The following NENF variants were observed in gnomAD, a reference collection of about 807,000 sequenced individuals.
NENF encodes neudesin neurotrophic factor, also known as neudesin.
Under a neutral mutation model 14.8 loss-of-function variants are expected in NENF, and 6 were observed. The ratio of observed to expected loss-of-function variants is 0.40; its 90% CI spans 0.22 to 0.80. NENF has a LOEUF of 0.80. Ranked by LOEUF, NENF falls within the 30% of genes least tolerant of loss-of-function variation. NENF has a pLI of 0.34. For missense variants in NENF, 184 were observed against 212.7 expected (o/e 0.87, Z 0.84); for synonymous variants, 76 against 95.1 (o/e 0.80, Z 1.17).
At chr1:212,438,961 A>T (rs1662651322) in intron 1 of NENF, among the ~76,000 whole-genome samples, 1 of 150,052 alleles carries the variant, frequency 6.7e-6, no homozygotes, top group Non-Finnish European at 1.5e-5. Flanking sequence ...CCTTCCACCC[A>T]CCCTCCACCT....
In NENF at chr1:212,432,966, G is replaced by A. The variant is rs1662541065; in HGVS notation, c.23G>A (p.Arg8Gln). 6.9e-6 allele frequency: 7 copies of A among 1,012,370 alleles called. No homozygotes were observed. Among genetic ancestry groups the A allele is most frequent in the East Asian group, 5.5e-5 (1 of 18,122 alleles). 62.7% of individuals were successfully genotyped at this position (1,012,370 alleles called of 1,614,324 possible). A position where few individuals can be genotyped will look rare whatever the true frequency, so the allele number is the denominator to read the frequency against. MVGPAPRRRLRPLAALAL... is the reference protein window; with the variant it reads MVGPAPRQRLRPLAALAL... ...ACCATGGTGGGCCCCGCGCCGCGGC[G>A]GCGGCTGCGGCCGCTGGCAGCGCTG... Residue 8 changes from arginine (R) to glutamine (Q), a missense_variant, in exon 1 of 4, where the codon CGG becomes CAG. Physicochemically the swap from Arg to Gln is conservative, Grantham distance 43 (BLOSUM62 1). Coordinates refer to ENST00000366988, the MANE Select transcript of NENF (RefSeq NM_013349.5).
rs778259792 is a variant in NENF at position 212,445,799 on chromosome 1, C to G, written c.343-31C>G. ...CCAAACACTATCCACTTAACCCCAT[C>G]TCCTGTCTTTCTTGGGCTTTTCTCC... On this transcript the variant is annotated intron_variant, in intron 3 of 3. Transcript: ENST00000366988. 4.0e-5 allele frequency: 64 copies of G among 1,611,938 alleles called. No homozygotes were observed. The Admixed American group carries it at 1.1e-3, about 27-fold the overall frequency.
chr1:212,442,513 T>C, intron 1 of NENF, 52 bp from the exon 2 acceptor site: 1 of 1,352,474 alleles, frequency 7.4e-7, no homozygotes, highest in East Asian at 2.3e-5. Flanking sequence ...TAAGTTGCAC[T>C]GGAAGAGCTG....
chr1:212,442,110 C>G lies in NENF; in HGVS notation c.178-455C>G, dbSNP rs139496989. Among the ~76,000 whole-genome samples the G allele has an allele frequency of 7.8e-3, 1,186 of 152,274 alleles. 16 individuals are homozygous for G. The highest frequency in any genetic ancestry group is 0.027 in the African/African-American group (1,130 of 41,544). ...CACTACGACCTCTGCCTCCAGGGTT[C>G]AAGCAATTCTCCAGCCTCAGACTCG... is the stretch of plus-strand genomic sequence containing the variant. On this transcript the variant is annotated intron_variant, in intron 1 of 3. Transcript: ENST00000366988.
intron 1 of NENF, among the ~76,000 whole-genome samples, chr1:212,436,852 C>T (rs866884769): frequency 1.4e-5 from 2 of 147,892 alleles, no homozygotes; most frequent in African/African-American, 5.0e-5. Context: ...TTTGGGAGGT[C>T]GAGGCAGGAG....
At chr1:212,436,924 C>CAAA (rs35648109) in intron 1 of NENF, among the ~76,000 whole-genome samples, 2 of 81,854 alleles carry the variant, frequency 2.4e-5, no homozygotes, top group African/African-American at 8.4e-5. Flanking sequence ...TCACCTCTAC[C>CAAA]AAAAAAAAAA....
At chr1:212,444,625 A>G (rs1000042699) in intron 3 of NENF, among the ~76,000 whole-genome samples, 183 bp downstream of exon 3, 1 of 148,510 alleles carries the variant, frequency 6.7e-6, no homozygotes. Flanking sequence ...TCCACTTGGT[A>G]TGGTGGCCAG....
chr1:212,444,313 C>CATGTA (rs1217077188), intron 2 of NENF, 26 bp from the exon 3 acceptor site: 1 of 1,515,294 alleles, frequency 6.6e-7, no homozygotes, highest in Admixed American at 1.9e-5. Flanking sequence ...CCCACGCTTA[C>CATGTA]GTCTCTTCCT....
chr1:212,436,869 T>G (rs1662608397), intron 1 of NENF, among the ~76,000 whole-genome samples: 1 of 151,198 alleles, frequency 6.6e-6, no homozygotes, highest in Non-Finnish European at 1.5e-5. Flanking sequence ...GGAGGATTGC[T>G]TGAAGCCAGG....
rs1228681847 is a variant in NENF at position 212,433,605 on chromosome 1, C to T, written c.177+485C>T. ...CACTTCCTTTTCCTGCCCCTGTATC[C>T]CAGGCCTCTGCATCGGACTCCTCAA... On this transcript the variant is annotated intron_variant, in intron 1 of 3. Coordinates refer to ENST00000366988, the MANE Select transcript of NENF (RefSeq NM_013349.5). The surrounding 1 kb of genome is among the most constrained non-coding windows in gnomAD (Gnocchi z 5.5). Among the ~76,000 whole-genome samples the T allele has an allele frequency of 6.6e-6, 1 of 151,940 alleles. No individual in the cohort carries two copies. The highest frequency in any genetic ancestry group is 2.4e-5 in the African/African-American group (1 of 41,364).
At chr1:212,441,335 A>G (rs1004905822) in intron 1 of NENF, among the ~76,000 whole-genome samples, 2 of 152,234 alleles carry the variant, frequency 1.3e-5, no homozygotes, top group African/African-American at 4.8e-5. Context: ...ATTTTTAAAT[A>G]AAGGCCTCAA....
chr1:212,442,258 C>T (rs3767873), intron 1 of NENF, among the ~76,000 whole-genome samples: 43,119 of 152,222 alleles, frequency 0.28, 6,350 homozygotes, highest in Admixed American at 0.3. Context: ...GTGATCCGCC[C>T]GCCTTGGCCT....
At position 212,440,116 on chromosome 1, in the gene NENF, G is replaced by A. The variant is rs796941197; in HGVS notation, c.178-2449G>A. On this transcript the variant is annotated intron_variant, in intron 1 of 3. Coordinates refer to ENST00000366988, the MANE Select transcript of NENF (RefSeq NM_013349.5). ...AAAATACAAAAATTATCTGGGTATG[G>A]TGGCGTGTGCCTGTAATCCCAGCTA... 2.6e-5 allele frequency among the ~76,000 whole-genome samples: 4 copies of A among 151,764 alleles called. No homozygotes were observed. In the East Asian group the frequency reaches 5.9e-4, roughly 22 times the overall value.
At chr1:212,441,175 A>G (rs1662693437) in intron 1 of NENF, among the ~76,000 whole-genome samples, 1 of 152,240 alleles carries the variant, frequency 6.6e-6, no homozygotes, top group Non-Finnish European at 1.5e-5. Flanking sequence ...GTGGGGAAAC[A>G]GCATTGCTTA....
intron 1 of NENF, among the ~76,000 whole-genome samples, chr1:212,437,105 G>A (rs1662612536): frequency 6.6e-6 from 1 of 152,120 alleles, no homozygotes; most frequent in African/African-American, 2.4e-5. Flanking sequence ...CAAGCAAGAG[G>A]CATTATAACA....
intron 1 of NENF, among the ~76,000 whole-genome samples, chr1:212,436,946 G>T (rs1558192348): frequency 6.7e-6 from 1 of 148,456 alleles, no homozygotes; most frequent in Non-Finnish European, 1.5e-5. Flanking sequence ...AAAAAAAAGA[G>T]TTCCTACTCT....
At chr1:212,441,358 C>T (rs2102569886) in intron 1 of NENF, among the ~76,000 whole-genome samples, 1 of 152,250 alleles carries the variant, frequency 6.6e-6, no homozygotes, top group East Asian at 1.9e-4. Context: ...AAATAAGTCA[C>T]CAAATTAGAA....
chr1:212,440,917 C>T (rs928891437), intron 1 of NENF, among the ~76,000 whole-genome samples: 4 of 152,234 alleles, frequency 2.6e-5, no homozygotes, highest in South Asian at 2.1e-4. Context: ...CTCCCACCCT[C>T]GCCTGGGCTG....
chr1:212,444,477 A>G (rs1340850428), intron 3 of NENF, 35 bp downstream of exon 3: 1 of 1,382,014 alleles, frequency 7.2e-7, no homozygotes, highest in South Asian at 1.4e-5. Context: ...AAAATCCTCT[A>G]CCTCCTTGTC....
Sources: gnomAD v4.1 joint callset for allele counts (sites outside exome capture counted in the v4.1 genomes callset) on GRCh38, gnomAD v4.1.1 for gene constraint, Gnocchi (gnomAD v3.1) non-coding constraint, MANE v1.5 for transcripts, NCBI Gene and HGNC (gene_info 2026-07-23, HGNC 2026-07-21) for gene names.